Variants in HECW2 observed in about 807,000 individuals in gnomAD.
HECW2 encodes HECT, C2 and WW domain containing E3 ubiquitin protein ligase 2, also known as E3 ubiquitin-protein ligase HECW2.
In HECW2, 61 loss-of-function variants were observed where a neutral mutation model predicts 175.2. The observed-to-expected ratio is 0.35, with a 90% CI of 0.28 to 0.43. HECW2 has a LOEUF of 0.43. HECW2 is among the 20% of genes least tolerant of loss of function. The probability of loss-of-function intolerance (pLI) is 1.00; values close to 1 mark genes in which losing one functional copy is unlikely to be tolerated. For missense variants in HECW2, 1,524 were observed against 2,000.5 expected (o/e 0.76, Z 4.54); for synonymous variants, 671 against 731.0 (o/e 0.92, Z 1.32).
intron 2 of HECW2, among the ~76,000 whole-genome samples, chr2:196,346,478 G>C (rs1692958407): frequency 6.6e-6 from 1 of 152,104 alleles, no homozygotes; most frequent in South Asian, 2.1e-4. Context: ...TTGCTAGTTA[G>C]GTTCATCTCT....
intron 1 of HECW2, among the ~76,000 whole-genome samples, chr2:196,494,178 T>C (rs564589715): frequency 6.6e-6 from 1 of 152,314 alleles, no homozygotes; most frequent in Admixed American, 6.5e-5. Context: ...GTTTCTGTGA[T>C]GCCAAGAGTG....
rs1475906105 is a variant in HECW2 at position 196,205,955 on chromosome 2, C to T, written c.4608-4567G>A. ...GGAATAGTGTGGTTAAATAAATTGC[C>T]CAATATTTACCATCAACTTGCTCTA... On this transcript the variant is annotated intron_variant, in intron 28 of 28. Coordinates refer to ENST00000644978, the MANE Select transcript of HECW2 (RefSeq NM_001348768.2). Among the ~76,000 whole-genome samples, 3 of 151,968 alleles carry T rather than the reference C, an allele frequency of 2.0e-5. No individual in the cohort carries two copies. In the East Asian group the frequency reaches 5.8e-4, roughly 29 times the overall value.
intron 6 of HECW2, among the ~76,000 whole-genome samples, chr2:196,323,919 GT>G (rs1294087624): frequency 0.077 from 2,890 of 37,640 alleles, 84 homozygotes; most frequent in African/African-American, 0.17. Flanking sequence ...TTTTTTGTTT[GT>G]TTTTTTTTTT....
intron 1 of HECW2, among the ~76,000 whole-genome samples, chr2:196,483,257 G>A (rs531683403): frequency 1.3e-3 from 205 of 152,212 alleles, no homozygotes; most frequent in Non-Finnish European, 2.3e-3. Flanking sequence ...TTACTCGATG[G>A]ATATTTAATA....
intron 1 of HECW2, among the ~76,000 whole-genome samples, chr2:196,492,522 C>T (rs1465985873): frequency 6.6e-6 from 1 of 152,178 alleles, no homozygotes; most frequent in African/African-American, 2.4e-5. Flanking sequence ...AACAGATTAT[C>T]AAACTGAAGT....
intron 1 of HECW2, among the ~76,000 whole-genome samples, chr2:196,560,743 C>T (rs190360522): frequency 1.5e-4 from 23 of 152,260 alleles, no homozygotes; most frequent in South Asian, 8.3e-4. Context: ...AAGTCAGGGA[C>T]CGCGAACGGA....
At chr2:196,513,037 A>G (rs558710650) in intron 1 of HECW2, among the ~76,000 whole-genome samples, 4 of 152,298 alleles carry the variant, frequency 2.6e-5, no homozygotes, top group African/African-American at 7.2e-5. Flanking sequence ...TCAGACCAAG[A>G]AAACAAAAAA....
intron 1 of HECW2, among the ~76,000 whole-genome samples, chr2:196,528,418 A>C (rs1249240702): frequency 6.6e-6 from 1 of 152,198 alleles, no homozygotes; most frequent in African/African-American, 2.4e-5. Context: ...TCCACATAAG[A>C]GGCAGAACAT....
intron 1 of HECW2, among the ~76,000 whole-genome samples, chr2:196,544,635 T>C (rs1267265745): frequency 6.6e-6 from 1 of 152,176 alleles, no homozygotes; most frequent in Non-Finnish European, 1.5e-5. Context: ...TAAATAATGG[T>C]GCTACTTCGC....
chr2:196,389,056 T>C (rs1487842570), intron 2 of HECW2, among the ~76,000 whole-genome samples: 1 of 152,210 alleles, frequency 6.6e-6, no homozygotes, highest in Non-Finnish European at 1.5e-5. Context: ...CATAAATATA[T>C]TGGCAAATAC....
chr2:196,469,893 A>C (rs1382584157), intron 1 of HECW2, among the ~76,000 whole-genome samples: 1 of 152,030 alleles, frequency 6.6e-6, no homozygotes, highest in Non-Finnish European at 1.5e-5. Context: ...TTATAAGGGA[A>C]ATTGACTTTT....
At chr2:196,393,726 C>G (rs1373254968) in intron 2 of HECW2, among the ~76,000 whole-genome samples, 5 of 152,180 alleles carry the variant, frequency 3.3e-5, no homozygotes, top group Admixed American at 2.0e-4. Flanking sequence ...CTAGCTTAAC[C>G]ATTGTGGAAG....
intron 1 of HECW2, among the ~76,000 whole-genome samples, chr2:196,455,600 A>G (rs1362687644): frequency 2.0e-5 from 3 of 152,200 alleles, no homozygotes; most frequent in Non-Finnish European, 4.4e-5. Flanking sequence ...TCTTATAAAC[A>G]GTCCTTTAAA....
At chr2:196,555,824 C>G (rs558098528) in intron 1 of HECW2, among the ~76,000 whole-genome samples, 1 of 152,204 alleles carries the variant, frequency 6.6e-6, no homozygotes, top group Non-Finnish European at 1.5e-5. Flanking sequence ...ACAAGACTTA[C>G]AAGTCCCCAC....
At chr2:196,474,778 G>C (rs1686498788) in intron 1 of HECW2, among the ~76,000 whole-genome samples, 1 of 152,030 alleles carries the variant, frequency 6.6e-6, no homozygotes, top group Non-Finnish European at 1.5e-5. Context: ...TTCATACCAG[G>C]GTAGGTAAGT....
At chr2:196,248,877 C>T (rs1199582888) in intron 19 of HECW2, among the ~76,000 whole-genome samples, 1 of 151,968 alleles carries the variant, frequency 6.6e-6, no homozygotes, top group Admixed American at 6.6e-5. Context: ...CTCTTCTGTG[C>T]TCTCTGAGTG....
chr2:196,362,696 A>G (rs968147014), intron 2 of HECW2, among the ~76,000 whole-genome samples: 5 of 152,240 alleles, frequency 3.3e-5, no homozygotes, highest in Admixed American at 6.5e-5. Flanking sequence ...ATGTGAAAAC[A>G]GATAGAATCA....
At position 196,319,893 on chromosome 2, in the gene HECW2, C is replaced by T. The variant is rs1386586820; in HGVS notation, c.997G>A (p.Glu333Lys). Residue 333 changes from glutamate (E) to lysine (K), a missense_variant, in exon 9 of 29, where the codon GAA becomes AAA. By Grantham distance (56) the Glu-to-Lys change is moderately conservative. Transcript: ENST00000644978. ...TSSVHEDASP[E>K]AVGTILGVNS... is the part of the protein sequence containing the mutation. ...ACTCCAAGTATTGTGCCAACAGCTT[C>T]TGGAGAGGCATCTGAATGAGAAAAC... 6.3e-7 allele frequency: 1 copy of T among 1,592,952 alleles called. No homozygotes were observed. Among genetic ancestry groups the T allele is most frequent in the East Asian group, 2.3e-5 (1 of 44,430 alleles).
At chr2:196,348,463 C>T (rs1280732193) in intron 2 of HECW2, among the ~76,000 whole-genome samples, 1 of 151,940 alleles carries the variant, frequency 6.6e-6, no homozygotes, top group East Asian at 1.9e-4. Flanking sequence ...GGCAACACAA[C>T]AAGACCCTGT....
Sources: gnomAD v4.1 joint callset for allele counts (sites outside exome capture counted in the v4.1 genomes callset) on GRCh38, gnomAD v4.1.1 for gene constraint, MANE v1.5 for transcripts, NCBI Gene and HGNC (gene_info 2026-07-23, HGNC 2026-07-21) for gene names.